DPYD: variants seen among roughly 807,000 people sequenced by gnomAD.
DPYD encodes dihydropyrimidine dehydrogenase.
Under a neutral mutation model 116.2 loss-of-function variants are expected in DPYD, and 109 were observed. The ratio of observed to expected loss-of-function variants is 0.94; its 90% CI spans 0.80 to 1.10. The LOEUF is 1.10. Ranked by LOEUF, DPYD falls within the 50% of genes least tolerant of loss-of-function variation. The probability of loss-of-function intolerance (pLI) is 0.00; values close to 1 mark genes in which losing one functional copy is unlikely to be tolerated. For synonymous variants in DPYD, 440 were observed against 432.0 expected (o/e 1.02, Z -0.23); for missense variants, 1,302 against 1,254.5 (o/e 1.04, Z -0.57).
At chr1:97,565,104 C>T (rs1652424117) in intron 11 of DPYD, among the ~76,000 whole-genome samples, 1 of 152,070 alleles carries the variant, frequency 6.6e-6, no homozygotes, top group African/African-American at 2.4e-5. Context: ...GCCCCTGATA[C>T]TGAAAATGTT....
At chr1:97,172,540 G>T (rs1177622216) in intron 20 of DPYD, among the ~76,000 whole-genome samples, 1 of 152,110 alleles carries the variant, frequency 6.6e-6, no homozygotes, top group Non-Finnish European at 1.5e-5. Context: ...CCATATTTTG[G>T]TATCAAATTA....
chr1:97,908,429 C>T (rs914031301), intron 1 of DPYD, among the ~76,000 whole-genome samples: 4 of 152,060 alleles, frequency 2.6e-5, no homozygotes, highest in Admixed American at 6.6e-5. Context: ...CATCTACCAA[C>T]CCCAGGGGGT....
At chr1:97,808,304 G>A (rs1398399604) in intron 3 of DPYD, among the ~76,000 whole-genome samples, 2 of 152,020 alleles carry the variant, frequency 1.3e-5, no homozygotes, top group African/African-American at 4.8e-5. Flanking sequence ...TATTTTTATA[G>A]ATTTCCTCAT....
At chr1:97,680,965 G>T (rs1367956885) in intron 7 of DPYD, among the ~76,000 whole-genome samples, 1 of 152,066 alleles carries the variant, frequency 6.6e-6, no homozygotes, top group Non-Finnish European at 1.5e-5. Flanking sequence ...AAGGCAAAAT[G>T]TTCCTAAAAA....
chr1:97,228,967 G>A (rs1398844952), intron 19 of DPYD, among the ~76,000 whole-genome samples: 1 of 151,986 alleles, frequency 6.6e-6, no homozygotes, highest in East Asian at 1.9e-4. Flanking sequence ...GGAGGCCGAG[G>A]TGGGCGGATC....
At chr1:97,286,270 A>G (rs1222364713) in intron 18 of DPYD, among the ~76,000 whole-genome samples, 1 of 152,118 alleles carries the variant, frequency 6.6e-6, no homozygotes, top group Non-Finnish European at 1.5e-5. Flanking sequence ...TGGCTTGTAG[A>G]GTTTCTGCTG....
At chr1:97,083,171 T>C (rs972474750) in intron 21 of DPYD, among the ~76,000 whole-genome samples, 1 of 152,134 alleles carries the variant, frequency 6.6e-6, no homozygotes. Flanking sequence ...GTGCCTAATA[T>C]GTGAAGCACA....
intron 14 of DPYD, among the ~76,000 whole-genome samples, chr1:97,384,182 A>G (rs757842388): frequency 5.3e-5 from 8 of 151,576 alleles, no homozygotes; most frequent in Non-Finnish European, 1.0e-4. Context: ...TGCAGAGTCT[A>G]GTGGTAAGAG....
At chr1:97,480,397 A>C (rs1039045190) in intron 13 of DPYD, among the ~76,000 whole-genome samples, 2 of 152,232 alleles carry the variant, frequency 1.3e-5, no homozygotes, top group African/African-American at 4.8e-5. Context: ...ATATACACTC[A>C]TAACAAATCA....
intron 14 of DPYD, among the ~76,000 whole-genome samples, chr1:97,392,196 C>A (rs1672743899): frequency 6.6e-6 from 1 of 151,950 alleles, no homozygotes; most frequent in African/African-American, 2.4e-5. Flanking sequence ...ATTTTGGTTT[C>A]CCAGTGCATA....
At chr1:97,489,610 A>C (rs746417757) in intron 13 of DPYD, among the ~76,000 whole-genome samples, 1 of 152,182 alleles carries the variant, frequency 6.6e-6, no homozygotes, top group Non-Finnish European at 1.5e-5. Context: ...TGTCCTATTA[A>C]AATAAGGATG....
At chr1:97,670,779 C>G (rs540500553) in intron 8 of DPYD, among the ~76,000 whole-genome samples, 26 of 152,190 alleles carry the variant, frequency 1.7e-4, no homozygotes, top group Non-Finnish European at 3.4e-4. Context: ...TTTCTTAGTT[C>G]AGTAATTTTC....
chr1:97,631,323 T>C lies in DPYD; in HGVS notation c.851-36157A>G, dbSNP rs779282257. Among the ~76,000 whole-genome samples the C allele has an allele frequency of 8.5e-5, 13 of 152,070 alleles. No homozygotes were observed. In the South Asian group the frequency reaches 1.0e-3, roughly 12 times the overall value. On this transcript the variant is annotated intron_variant, in intron 8 of 22. Coordinates refer to ENST00000370192, the MANE Select transcript of DPYD (RefSeq NM_000110.4). ...GCCACAATCAGGCTGGCTTAAAGCA[T>C]AGTTTATTTTCTCTTGTCAATCTCA... is the stretch of plus-strand genomic sequence containing the variant.
At chr1:97,179,301 C>A (rs927781209) in intron 20 of DPYD, among the ~76,000 whole-genome samples, 2 of 152,044 alleles carry the variant, frequency 1.3e-5, no homozygotes, top group Non-Finnish European at 2.9e-5. Flanking sequence ...GTTTGTTTCA[C>A]TTGGGACCTA....
intron 13 of DPYD, among the ~76,000 whole-genome samples, chr1:97,513,307 C>A (rs892964985): frequency 2.0e-5 from 3 of 151,596 alleles, no homozygotes; most frequent in African/African-American, 7.3e-5. Context: ...GCTGTCAATC[C>A]AGAAAAACAA....
chr1:97,867,602 T>C (rs1558019312), intron 2 of DPYD, among the ~76,000 whole-genome samples: 2 of 151,762 alleles, frequency 1.3e-5, no homozygotes, highest in South Asian at 2.1e-4. Context: ...ACCACATTAA[T>C]AGAATAAAGG....
At position 97,213,303 on chromosome 1, in the gene DPYD, T is replaced by G. The variant is rs1197266451; in HGVS notation, c.2443-20055A>C. On this transcript the variant is annotated intron_variant, in intron 19 of 22. Transcript: ENST00000370192. ...TAAATAAATTATTACAACTTTTAGC[T>G]TACAAAAGGTGTGTCTCATAGTAAA... Among the ~76,000 whole-genome samples, 3 of 152,150 alleles carry G rather than the reference T, an allele frequency of 2.0e-5. No homozygotes were observed. The East Asian group carries it at 5.8e-4, about 29-fold the overall frequency.
intron 1 of DPYD, among the ~76,000 whole-genome samples, chr1:97,884,465 A>G (rs746251889): frequency 5.9e-5 from 9 of 152,080 alleles, no homozygotes; most frequent in Non-Finnish European, 1.2e-4. Flanking sequence ...TGGAAGAGAG[A>G]TTTAATTTGT....
intron 8 of DPYD, among the ~76,000 whole-genome samples, chr1:97,651,387 C>T (rs1055915863): frequency 6.6e-6 from 1 of 152,138 alleles, no homozygotes; most frequent in Admixed American, 6.6e-5. Context: ...TGTTGCATCT[C>T]ATTTATTTTA....
Sources: gnomAD v4.1 joint callset for allele counts (sites outside exome capture counted in the v4.1 genomes callset) on GRCh38, gnomAD v4.1.1 for gene constraint, MANE v1.5 for transcripts, NCBI Gene and HGNC (gene_info 2026-07-23, HGNC 2026-07-21) for gene names.